YTHDC2: variants seen among roughly 807,000 people sequenced by gnomAD.
The protein encoded by YTHDC2 is YTH N6-methyladenosine RNA binding protein C2, also known as 3'-5' RNA helicase YTHDC2.
A neutral mutation model predicts 174.9 loss-of-function variants in YTHDC2; 45 were observed. The observed-to-expected ratio is 0.26, with a 90% CI of 0.20 to 0.33. The LOEUF (loss-of-function observed/expected upper bound fraction) is 0.33, where lower values mean the gene tolerates loss of function less well. Among genes scored for constraint, YTHDC2 ranks in the 10% least tolerant of loss-of-function variants. The pLI is 1.00. For synonymous variants in YTHDC2, 657 were observed against 574.5 expected (o/e 1.14, Z -2.05); for missense variants, 1,650 against 1,723.7 (o/e 0.96, Z 0.76).
intron 23 of YTHDC2, among the ~76,000 whole-genome samples, chr5:113,573,144 C>T (rs746814641): frequency 2.0e-5 from 3 of 152,228 alleles, no homozygotes; most frequent in Middle Eastern, 3.4e-3. Flanking sequence ...CCTTCAGGAG[C>T]TCTTGCAAGG....
chr5:113,583,024 AT>A (rs1778485497), intron 25 of YTHDC2: 2 of 152,186 alleles, frequency 1.3e-5, no homozygotes, highest in Admixed American at 1.3e-4. Context: ...GTAGGAATAT[AT>A]TTCCATAGGA....
At chr5:113,580,353 CTG>C (rs1482177769) in intron 24 of YTHDC2, among the ~76,000 whole-genome samples, 4 of 152,034 alleles carry the variant, frequency 2.6e-5, no homozygotes, top group East Asian at 1.9e-4. Flanking sequence ...TTTTGTGTAA[CTG>C]TGTTTTCTGA....
At chr5:113,578,366 G>GGTTTT (rs113610272) in intron 23 of YTHDC2, among the ~76,000 whole-genome samples, 16,697 of 148,768 alleles carry the variant, frequency 0.11, 1,975 homozygotes, top group African/African-American at 0.3. Flanking sequence ...TGGCATAGAA[G>GGTTTT]GTTTTGTTTT....
intron 10 of YTHDC2, among the ~76,000 whole-genome samples, chr5:113,543,288 T>C (rs1052080779): frequency 2.0e-5 from 3 of 152,206 alleles, no homozygotes; most frequent in African/African-American, 7.2e-5. Context: ...ACCTGCACTT[T>C]TCTTGTGTTT....
rs115673426 is a variant in YTHDC2, at chr5:113,532,987, G to T, written c.784G>T (p.Ala262Ser). The change falls in exon 5 of 30, where the codon GCA (alanine) becomes TCA (serine). Residue 262 changes from alanine to serine, a missense_variant. By Grantham distance (99) the Ala-to-Ser change is moderately conservative. Transcript: ENST00000161863. ...AAIAVAERVA[A>S]ERRERIGQTI... ...TATCGCTGTGGCTGAAAGAGTTGCC[G>T]CAGAGAGACGGGAAAGGATTGGTCA... 8.1e-6 allele frequency: 13 copies of T among 1,614,034 alleles called. No individual in the cohort carries two copies. The highest frequency in any genetic ancestry group is 1.6e-4 in the Middle Eastern group (1 of 6,084).
chr5:113,566,546 A>T (rs994769670), intron 21 of YTHDC2, among the ~76,000 whole-genome samples: 30 of 151,560 alleles, frequency 2.0e-4, no homozygotes, highest in African/African-American at 7.3e-4. Flanking sequence ...TAGTCAGAAG[A>T]ATAGTACCAG....
intron 12 of YTHDC2, among the ~76,000 whole-genome samples, chr5:113,549,700 A>G (rs1236813621): frequency 1.3e-5 from 2 of 152,006 alleles, no homozygotes; most frequent in South Asian, 2.1e-4. Flanking sequence ...CCCCCACGCA[A>G]TGTCCATCCT....
At chr5:113,551,073 T>C (rs1776221809) in intron 12 of YTHDC2, among the ~76,000 whole-genome samples, 1 of 152,128 alleles carries the variant, frequency 6.6e-6, no homozygotes, top group African/African-American at 2.4e-5. Flanking sequence ...TTGTACTTAA[T>C]TTTATAGATG....
chr5:113,586,047 T>C (rs1214639889), intron 26 of YTHDC2, among the ~76,000 whole-genome samples: 1 of 152,072 alleles, frequency 6.6e-6, no homozygotes, highest in Non-Finnish European at 1.5e-5. Context: ...TTGAGTTGTT[T>C]GATAAATGTA....
intron 10 of YTHDC2, among the ~76,000 whole-genome samples, chr5:113,547,843 C>T (rs1486705813): frequency 6.6e-6 from 1 of 151,966 alleles, no homozygotes; most frequent in Non-Finnish European, 1.5e-5. Flanking sequence ...TTAAATTTTA[C>T]TGTTGAGGGT....
At chr5:113,561,957 G>GTGT (rs1554099024) in intron 18 of YTHDC2, among the ~76,000 whole-genome samples, 3 of 134,960 alleles carry the variant, frequency 2.2e-5, no homozygotes, top group Admixed American at 7.7e-5. Flanking sequence ...ATTAATTGTG[G>GTGT]GTGTGTGTGT....
intron 1 of YTHDC2, 70 bp from the exon 2 acceptor site, chr5:113,515,202 A>G (rs1010486073): frequency 3.7e-6 from 4 of 1,084,150 alleles, no homozygotes; most frequent in African/African-American, 1.6e-5. Flanking sequence ...CATATTTTGT[A>G]TCTGTGTGTT....
chr5:113,546,921 C>G (rs1312478465), intron 10 of YTHDC2, among the ~76,000 whole-genome samples: 2 of 152,028 alleles, frequency 1.3e-5, no homozygotes, highest in South Asian at 2.1e-4. Context: ...ATAGGGCTGC[C>G]TTATTCTACC....
At chr5:113,581,867 G>A (rs1452305586) in intron 25 of YTHDC2, 158 bp downstream of exon 25, 1 of 578,990 alleles carries the variant, frequency 1.7e-6, no homozygotes. Context: ...TTTTCTACTT[G>A]TTCAACTTAA....
chr5:113,528,634 A>C (rs1172374243), intron 4 of YTHDC2, among the ~76,000 whole-genome samples: 3 of 151,952 alleles, frequency 2.0e-5, no homozygotes, highest in Admixed American at 6.6e-5. Flanking sequence ...TCTGCCTCCC[A>C]AGTAGCTAGG....
intron 10 of YTHDC2, among the ~76,000 whole-genome samples, chr5:113,543,240 A>G (rs981640073): frequency 2.6e-5 from 4 of 152,086 alleles, no homozygotes; most frequent in African/African-American, 4.8e-5. Context: ...ATACTCCTCA[A>G]ACAACTTCTG....
At chr5:113,544,176 GTCTC>G (rs1243323808) in intron 10 of YTHDC2, among the ~76,000 whole-genome samples, 2 of 152,086 alleles carry the variant, frequency 1.3e-5, no homozygotes, top group African/African-American at 4.8e-5. Flanking sequence ...TTGAGACAAA[GTCTC>G]TCTCTGTCAT....
chr5:113,584,464 T>G lies in YTHDC2; in HGVS notation c.3810T>G (p.Pro1270=), dbSNP rs760236611. The G allele has an allele frequency of 1.9e-6, 3 of 1,611,310 alleles. No individual in the cohort carries two copies. The East Asian group carries it at 6.7e-5, about 36-fold the overall frequency. The part of the protein sequence containing the change: ...SYPSPCASPS[P]PSSGKGSKSP... ...CAAGTCCTTGTGCTAGTCCTTCTCC[T>G]CCATCCTCAGGAAAGGTAAGAGTAT... Residue 1270 remains proline (P), a synonymous_variant, in exon 26 of 30, where the codon CCT becomes CCG. Transcript: ENST00000161863.
At chr5:113,546,341 T>C (rs1463841861) in intron 10 of YTHDC2, among the ~76,000 whole-genome samples, 1 of 152,230 alleles carries the variant, frequency 6.6e-6, no homozygotes, top group Non-Finnish European at 1.5e-5. Context: ...CCTCTGCTCT[T>C]ATGTACAGTT....
Sources: allele counts gnomAD v4.1 joint callset (sites outside exome capture counted in the v4.1 genomes callset), GRCh38; gene constraint gnomAD v4.1.1; transcripts MANE v1.5; gene names NCBI Gene and HGNC (gene_info 2026-07-23, HGNC 2026-07-21).